Variants in KAT2B observed in about 807,000 individuals in gnomAD.
KAT2B encodes the protein histone acetyltransferase KAT2B.
Under a neutral mutation model 105.9 loss-of-function variants are expected in KAT2B, and 36 were observed. The observed-to-expected ratio is 0.34, with a 90% CI of 0.26 to 0.45. KAT2B has a LOEUF of 0.45. KAT2B is among the 20% of genes least tolerant of loss of function. KAT2B has a pLI of 1.00. For missense variants in KAT2B, 820 were observed against 1,021.6 expected, an observed-to-expected ratio of 0.80 and a Z score of 2.69; for synonymous variants, 397 against 377.9, an observed-to-expected ratio of 1.05 and a Z score of -0.59.
chr3:20,063,752 A>G (rs1395651500), intron 1 of KAT2B, among the ~76,000 whole-genome samples: 1 of 151,400 alleles, frequency 6.6e-6, no homozygotes, highest in Non-Finnish European at 1.5e-5. Context: ...CATGTTGGCC[A>G]GGCTGGTCTT....
In KAT2B at chr3:20,118,740, A is replaced by G. The variant is rs1170311580; in HGVS notation, c.1151-858A>G. On this transcript the variant is annotated intron_variant, in intron 7 of 17. Transcript: ENST00000263754. ...AAACTTTGTCTCAAAAAAAAAAAAA[A>G]AAAAAAAGAGAGAGAGCGAACTATA... 2.1e-5 allele frequency among the ~76,000 whole-genome samples: 3 copies of G among 143,818 alleles called. No individual in the cohort carries two copies. The East Asian group carries it at 5.9e-4, about 28-fold the overall frequency. The allele number at this position is 143,818 out of a possible 152,430, so 94.4% of individuals were successfully genotyped here. A position where few individuals can be genotyped will look rare whatever the true frequency, so the allele number is the denominator to read the frequency against.
chr3:20,103,357 G>GT (rs1698942858), intron 5 of KAT2B, among the ~76,000 whole-genome samples: 1 of 151,408 alleles, frequency 6.6e-6, no homozygotes, highest in African/African-American at 2.5e-5. Context: ...TCAAGAAAAA[G>GT]GAGAATTAAT....
chr3:20,101,094 T>G, intron 4 of KAT2B, 193 bp from the exon 5 acceptor site: 1 of 558,242 alleles, frequency 1.8e-6, no homozygotes, highest in South Asian at 2.6e-5. Flanking sequence ...CTTGTCACTT[T>G]TCATCCACCG....
At chr3:20,143,044 G>A (rs1197542312) in intron 13 of KAT2B, among the ~76,000 whole-genome samples, 3 of 152,076 alleles carry the variant, frequency 2.0e-5, no homozygotes, top group Non-Finnish European at 1.5e-5. Context: ...GAGACTCAAT[G>A]CAATTTTTTT....
At chr3:20,074,549 C>T (rs899322451) in intron 2 of KAT2B, among the ~76,000 whole-genome samples, 6 of 152,168 alleles carry the variant, frequency 3.9e-5, no homozygotes, top group Admixed American at 3.3e-4. Context: ...TGATGTTGTT[C>T]GTAGTAGTGG....
At chr3:20,092,059 A>G (rs1469964851) in intron 2 of KAT2B, among the ~76,000 whole-genome samples, 1 of 151,986 alleles carries the variant, frequency 6.6e-6, no homozygotes, top group Non-Finnish European at 1.5e-5. Flanking sequence ...CATTGAATGG[A>G]ATGTTCTGTA....
At chr3:20,140,195 T>C (rs758155618) in intron 12 of KAT2B, 26 bp from the exon 13 acceptor site, 6 of 1,462,028 alleles carry the variant, frequency 4.1e-6, no homozygotes, top group Middle Eastern at 2.0e-4. Flanking sequence ...ATGGTGTTCA[T>C]ATGAATGAAT....
chr3:20,049,294 A>C (rs959263940), intron 1 of KAT2B, among the ~76,000 whole-genome samples: 1 of 152,120 alleles, frequency 6.6e-6, no homozygotes, highest in Non-Finnish European at 1.5e-5. Flanking sequence ...CATTCCACAA[A>C]TGTCTATTTA....
At chr3:20,095,474 A>G in intron 3 of KAT2B, 66 bp downstream of exon 3, 3 of 1,137,702 alleles carry the variant, frequency 2.6e-6, no homozygotes, top group Non-Finnish European at 3.8e-6. Flanking sequence ...TCCATATGCC[A>G]GGTCGTGGCT....
intron 1 of KAT2B, among the ~76,000 whole-genome samples, chr3:20,041,479 C>T (rs1177216554): frequency 2.0e-5 from 3 of 152,192 alleles, no homozygotes; most frequent in Non-Finnish European, 4.4e-5. Flanking sequence ...CAGCCCAGCG[C>T]GGCGGGCGCT....
chr3:20,080,336 C>T (rs11714225), intron 2 of KAT2B, among the ~76,000 whole-genome samples: 40,869 of 152,044 alleles, frequency 0.27, 5,584 homozygotes, highest in East Asian at 0.45. Flanking sequence ...TGCCTTAGAT[C>T]TGGAAGCTCA....
At chr3:20,079,488 G>GCCAC (rs1698482582) in intron 2 of KAT2B, among the ~76,000 whole-genome samples, 1 of 152,144 alleles carries the variant, frequency 6.6e-6, no homozygotes, top group Non-Finnish European at 1.5e-5. Context: ...ACAGGCGTGA[G>GCCAC]CCACCGCTTC....
intron 7 of KAT2B, among the ~76,000 whole-genome samples, chr3:20,116,978 T>A (rs1433440784): frequency 6.6e-6 from 1 of 152,178 alleles, no homozygotes; most frequent in African/African-American, 2.4e-5. Context: ...AGCATACACT[T>A]GTGGAAGGAA....
Position 20,136,961 on chromosome 3 carries a change from T to C in KAT2B, c.1769T>C (p.Met590Thr). 6.2e-7 allele frequency: 1 copy of C among 1,605,796 alleles called. No homozygotes were observed. Among genetic ancestry groups the C allele is most frequent in the Non-Finnish European group, 8.5e-7 (1 of 1,172,608 alleles). ...EQVKGYGTHLMNHLKEYHIKH... is the reference protein window; with the variant it reads ...EQVKGYGTHLTNHLKEYHIKH... ...ACACAGGGCTATGGAACACACCTGA[T>C]GAATCATTTGAAAGAATATCACATA... The change falls in exon 12 of 18, where the codon ATG (methionine) becomes ACG (threonine). Residue 590 changes from methionine to threonine, a missense_variant. Physicochemically the swap from Met to Thr is moderately conservative, Grantham distance 81 (BLOSUM62 -1). Around this residue, in one of 6 missense-constraint regions of KAT2B, gnomAD observed 227 missense variants for 292.9 expected, o/e 0.77. Coordinates refer to ENST00000263754, the MANE Select transcript of KAT2B (RefSeq NM_003884.5).
chr3:20,076,714 T>G (rs1252301452), intron 2 of KAT2B, among the ~76,000 whole-genome samples: 1 of 152,214 alleles, frequency 6.6e-6, no homozygotes, highest in Non-Finnish European at 1.5e-5. Flanking sequence ...ACATTTTTTC[T>G]TATCTTATTC....
At chr3:20,150,839 A>C (rs1699857777) in intron 17 of KAT2B, among the ~76,000 whole-genome samples, 1 of 152,186 alleles carries the variant, frequency 6.6e-6, no homozygotes, top group Admixed American at 6.5e-5. Flanking sequence ...CTTTTGGACA[A>C]ACTTCTTTGT....
At chr3:20,097,193 T>C (rs1698826307) in intron 3 of KAT2B, among the ~76,000 whole-genome samples, 3 of 152,282 alleles carry the variant, frequency 2.0e-5, no homozygotes, top group East Asian at 3.9e-4. Context: ...CTATTATTTG[T>C]CTTGGAACTG....
intron 1 of KAT2B, among the ~76,000 whole-genome samples, chr3:20,046,461 A>G (rs79337773): frequency 0.026 from 4,017 of 152,314 alleles, 79 homozygotes; most frequent in South Asian, 0.081. Context: ...GCGTGCCTGT[A>G]GTCCCTAGCT....
intron 12 of KAT2B, chr3:20,137,781 C>G (rs1395657702): frequency 6.6e-6 from 1 of 152,514 alleles, no homozygotes; most frequent in African/African-American, 2.4e-5. Context: ...CTCGGCCTCC[C>G]TAAGTGCTGG....
Sources: gnomAD v4.1 joint callset for allele counts (sites outside exome capture counted in the v4.1 genomes callset) on GRCh38, gnomAD v4.1.1 for gene constraint, gnomAD v4.1.1 regional missense constraint, MANE v1.5 for transcripts, NCBI Gene and HGNC (gene_info 2026-07-23, HGNC 2026-07-21) for gene names.